Variants in IPMK observed in about 807,000 individuals in gnomAD.
IPMK encodes inositol 1,3,4,6-tetrakisphosphate 5-kinase.
IPMK carries 17 observed loss-of-function variants against 45.8 expected under a neutral mutation model. The ratio of observed to expected loss-of-function variants is 0.37; its 90% CI spans 0.25 to 0.56. The LOEUF (loss-of-function observed/expected upper bound fraction) is 0.56. Ranked by LOEUF, IPMK falls within the 20% of genes least tolerant of loss-of-function variation. The probability of loss-of-function intolerance (pLI) is 0.79; values close to 1 mark genes in which losing one functional copy is unlikely to be tolerated. For missense variants in IPMK, 399 were observed against 498.0 expected, an observed-to-expected ratio of 0.80 and a Z score of 1.89; for synonymous variants, 180 against 184.3, an observed-to-expected ratio of 0.98 and a Z score of 0.19.
chr10:58,220,652 G>T (rs58706444), intron 3 of IPMK, among the ~76,000 whole-genome samples: 22,728 of 152,054 alleles, frequency 0.15, 2,312 homozygotes, highest in African/African-American at 0.29. Flanking sequence ...TCCCATAAAT[G>T]CAGGTTACAC....
rs11393849 is a variant in IPMK at position 58,217,688 on chromosome 10, CA to C, written c.374-1372del. On this transcript the variant is annotated intron_variant, in intron 3 of 5. Coordinates refer to ENST00000373935, the MANE Select transcript of IPMK (RefSeq NM_152230.5). ...GGGCAACAAGAGCAAAACTCCATCT[CA>C]AAAAAAAAAAAAAAAAAAAAGAATC... 1.6e-3 allele frequency among the ~76,000 whole-genome samples: 80 copies of C among 49,254 alleles called. 1 individual carries two copies. The South Asian group carries it at 0.016, about 10-fold the overall frequency. 32.3% of individuals were successfully genotyped at this position (49,254 alleles called of 152,430 possible).
chr10:58,208,796 T>A (rs1251928353), intron 4 of IPMK, among the ~76,000 whole-genome samples: 1 of 152,208 alleles, frequency 6.6e-6, no homozygotes, highest in Non-Finnish European at 1.5e-5. Flanking sequence ...GATTCCGGCT[T>A]CAGGCCCATA....
intron 5 of IPMK, among the ~76,000 whole-genome samples, chr10:58,198,712 G>A (rs1408459145): frequency 5.3e-5 from 8 of 152,024 alleles, no homozygotes; most frequent in Admixed American, 1.3e-4. Context: ...TATCTTGGCC[G>A]TAAATACTTT....
intron 1 of IPMK, among the ~76,000 whole-genome samples, chr10:58,238,734 CATT>C (rs1838652642): frequency 6.6e-6 from 1 of 152,098 alleles, no homozygotes; most frequent in African/African-American, 2.4e-5. Context: ...AAAATTCAAT[CATT>C]GTGCTTATGA....
chr10:58,212,979 A>G (rs748402177), intron 4 of IPMK: 2 of 181,362 alleles, frequency 1.1e-5, no homozygotes, highest in Non-Finnish European at 2.4e-5. Context: ...CCCAAATCTC[A>G]TAAATGTGGA....
At chr10:58,251,222 A>G (rs1403642882) in intron 1 of IPMK, among the ~76,000 whole-genome samples, 3 of 152,098 alleles carry the variant, frequency 2.0e-5, no homozygotes, top group Non-Finnish European at 4.4e-5. Context: ...GGAATTTTAT[A>G]ATTTATTTTA....
chr10:58,255,538 G>T (rs1403279067), intron 1 of IPMK, among the ~76,000 whole-genome samples: 1 of 152,202 alleles, frequency 6.6e-6, no homozygotes, highest in Non-Finnish European at 1.5e-5. Context: ...ATTCAGGCTG[G>T]TGCTCTTGTC....
In IPMK at chr10:58,248,338, ATGT is replaced by A. The variant is rs1017920747; in HGVS notation, c.191-10527_191-10525del. The stretch of plus-strand genomic sequence containing the variant: ...ACTGTGTTTTTTAACAAAATTAAAA[ATGT>A]TGTATATTCAGCAGGATTACAAATA... On this transcript the variant is annotated intron_variant, in intron 1 of 5. Transcript: ENST00000373935. 3.2e-4 allele frequency among the ~76,000 whole-genome samples: 49 copies of A among 152,330 alleles called. 1 individual carries two copies. Among genetic ancestry groups the A allele is most frequent in the African/African-American group, 1.2e-3 (49 of 41,570 alleles).
At chr10:58,207,662 T>C (rs542629920) in intron 4 of IPMK, among the ~76,000 whole-genome samples, 9 of 151,946 alleles carry the variant, frequency 5.9e-5, no homozygotes, top group Non-Finnish European at 1.0e-4. Context: ...TTATTGTGTG[T>C]TATCTCATTT....
intron 2 of IPMK, among the ~76,000 whole-genome samples, chr10:58,237,513 C>T (rs1345132860): frequency 6.6e-6 from 1 of 152,096 alleles, no homozygotes; most frequent in Non-Finnish European, 1.5e-5. Flanking sequence ...AAGTATCTAC[C>T]ATAAACACAG....
At chr10:58,234,847 G>A (rs1838583920) in intron 2 of IPMK, among the ~76,000 whole-genome samples, 1 of 152,026 alleles carries the variant, frequency 6.6e-6, no homozygotes, top group African/African-American at 2.4e-5. Context: ...GCTTCTGCAT[G>A]GCAAAAGAAA....
intron 2 of IPMK, among the ~76,000 whole-genome samples, chr10:58,235,545 T>A (rs1838597191): frequency 6.6e-6 from 1 of 152,116 alleles, no homozygotes; most frequent in Non-Finnish European, 1.5e-5. Context: ...AAACCATCAT[T>A]CTCAGCAAAC....
chr10:58,222,642 G>A (rs541508104), intron 3 of IPMK, among the ~76,000 whole-genome samples: 17 of 152,216 alleles, frequency 1.1e-4, no homozygotes, highest in African/African-American at 4.1e-4. Flanking sequence ...ACATTTAAGA[G>A]GCTATGGCTA....
chr10:58,197,803 C>G (rs1432320588), intron 5 of IPMK, among the ~76,000 whole-genome samples: 1 of 152,074 alleles, frequency 6.6e-6, no homozygotes, highest in Non-Finnish European at 1.5e-5. Context: ...GAGGCAGAGG[C>G]GGGTGGATCA....
rs1240859110 is a variant in IPMK, at chr10:58,267,561, TG to T, written c.50del (p.Pro17GlnfsTer58). 2 of 1,610,042 alleles carry T rather than the reference TG, an allele frequency of 1.2e-6. No individual in the cohort carries two copies. The highest frequency in any genetic ancestry group is 1.7e-6 in the Non-Finnish European group (2 of 1,178,556). On this transcript the variant is annotated frameshift_variant, in exon 1 of 6. Coordinates refer to ENST00000373935, the MANE Select transcript of IPMK (RefSeq NM_152230.5). LOFTEE classifies it high-confidence loss of function. ...SPLRVEAPGP[P>X]EMRTSPAIES... ...CGATCGCCGGTGAGGTCCGCATTTCTGGGGGGCCCGGCGCCTCGACCCGGAG... is the reference window on the plus strand; with the variant it reads ...CGATCGCCGGTGAGGTCCGCATTTCTGGGGGCCCGGCGCCTCGACCCGGAG...
At chr10:58,215,385 A>ATTTTT (rs57335566) in intron 4 of IPMK, among the ~76,000 whole-genome samples, 31,874 of 143,522 alleles carry the variant, frequency 0.22, 4,827 homozygotes, top group African/African-American at 0.43. Flanking sequence ...ACAATTACCT[A>ATTTTT]TTTTTTTTTT....
intron 1 of IPMK, among the ~76,000 whole-genome samples, chr10:58,265,299 T>C (rs1336349031): frequency 6.6e-6 from 1 of 152,206 alleles, no homozygotes; most frequent in Non-Finnish European, 1.5e-5. Flanking sequence ...TTCTGGTTAC[T>C]TACTGATAGT....
chr10:58,201,613 T>G (rs1439104085), intron 4 of IPMK, among the ~76,000 whole-genome samples: 1 of 152,022 alleles, frequency 6.6e-6, no homozygotes, highest in Non-Finnish European at 1.5e-5. Flanking sequence ...TTAGTAACCC[T>G]CCAATTAATT....
intron 4 of IPMK, among the ~76,000 whole-genome samples, chr10:58,203,323 G>T (rs2132144726): frequency 6.6e-6 from 1 of 152,266 alleles, no homozygotes; most frequent in South Asian, 2.1e-4. Flanking sequence ...TTGTTTTATT[G>T]ATTGGCTGAC....
Sources: gnomAD v4.1 joint callset for allele counts (sites outside exome capture counted in the v4.1 genomes callset) on GRCh38, gnomAD v4.1.1 for gene constraint, MANE v1.5 for transcripts, NCBI Gene and HGNC (gene_info 2026-07-23, HGNC 2026-07-21) for gene names.